DNAJB14: variants seen among roughly 807,000 people sequenced by gnomAD.
DNAJB14 encodes DnaJ heat shock protein family (Hsp40) member B14, also known as dnaJ homolog subfamily B member 14.
In DNAJB14, 22 loss-of-function variants were observed where a neutral mutation model predicts 48.4. The ratio of observed to expected loss-of-function variants is 0.45; its 90% confidence interval spans 0.32 to 0.65. The LOEUF (loss-of-function observed/expected upper bound fraction) is 0.65. Ranked by LOEUF, DNAJB14 falls within the 30% of genes least tolerant of loss-of-function variation. DNAJB14 has a pLI of 0.03. For synonymous variants in DNAJB14, 142 were observed against 158.7 expected, an observed-to-expected ratio of 0.89 and a Z score of 0.79; for missense variants, 319 against 458.8, an observed-to-expected ratio of 0.70 and a Z score of 2.78.
chr4:99,906,865 CAT>C (rs1433432687), intron 4 of DNAJB14, among the ~76,000 whole-genome samples: 1 of 152,150 alleles, frequency 6.6e-6, no homozygotes, highest in African/African-American at 2.4e-5. Flanking sequence ...TCTCTACACA[CAT>C]AGAGGTTTTT....
intron 1 of DNAJB14, among the ~76,000 whole-genome samples, chr4:99,938,457 G>A (rs538125096): frequency 6.6e-6 from 1 of 151,452 alleles, no homozygotes; most frequent in Non-Finnish European, 1.5e-5. Flanking sequence ...TTATCTAAGA[G>A]AGTGTCCTTG....
At position 99,922,921 on chromosome 4, in the gene DNAJB14, C is replaced by A. The variant is rs555114469; in HGVS notation, c.451+119G>T. On this transcript the variant is annotated intron_variant, in intron 3 of 7. Transcript: ENST00000442697. ...CTGAAGTTTTAAAGGATTTTCCAGACTCTTGCTTGTGCTGGTCTCTAAATG... is the reference window on the plus strand; with the variant it reads ...CTGAAGTTTTAAAGGATTTTCCAGAATCTTGCTTGTGCTGGTCTCTAAATG... The A allele has an allele frequency of 1.7e-5, 20 of 1,143,348 alleles. No individual in the cohort carries two copies. The African/African-American group carries it at 3.0e-4, about 17-fold the overall frequency. The allele number at this position is 1,143,348 out of a possible 1,614,324, so 70.8% of individuals were successfully genotyped here. A position where few individuals can be genotyped will look rare whatever the true frequency, so the allele number is the denominator to read the frequency against.
chr4:99,922,350 T>C (rs1054519153), intron 3 of DNAJB14, among the ~76,000 whole-genome samples: 2 of 152,078 alleles, frequency 1.3e-5, no homozygotes, highest in African/African-American at 2.4e-5. Flanking sequence ...AATGCCAAAT[T>C]CACAAGAATG....
chr4:99,920,280 GT>G (rs760970333), intron 3 of DNAJB14, among the ~76,000 whole-genome samples: 9 of 152,124 alleles, frequency 5.9e-5, no homozygotes, highest in Non-Finnish European at 8.8e-5. Flanking sequence ...TTCTCTCACT[GT>G]ATTTCTCTAC....
intron 1 of DNAJB14, among the ~76,000 whole-genome samples, chr4:99,936,908 A>T (rs1024643318): frequency 1.3e-5 from 2 of 152,258 alleles, no homozygotes; most frequent in Non-Finnish European, 2.9e-5. Flanking sequence ...AAATTTTTTC[A>T]GGAAAGAATA....
intron 3 of DNAJB14, among the ~76,000 whole-genome samples, chr4:99,911,382 A>C (rs1161827818): frequency 6.6e-6 from 1 of 152,180 alleles, no homozygotes; most frequent in Non-Finnish European, 1.5e-5. Flanking sequence ...GTGTAAACAT[A>C]AATCTTCATT....
At chr4:99,904,407 CT>C (rs1422223675) in intron 6 of DNAJB14, among the ~76,000 whole-genome samples, 2 of 152,084 alleles carry the variant, frequency 1.3e-5, no homozygotes, top group African/African-American at 4.8e-5. Flanking sequence ...GATACCTTTG[CT>C]TTCTGATAGT....
intron 3 of DNAJB14, among the ~76,000 whole-genome samples, chr4:99,922,111 C>T (rs1446640462): frequency 6.6e-6 from 1 of 152,178 alleles, no homozygotes; most frequent in Non-Finnish European, 1.5e-5. Context: ...CTTTCACCAG[C>T]ACCACTTTGG....
chr4:99,940,652 TC>T (rs760754411), intron 1 of DNAJB14, among the ~76,000 whole-genome samples: 2 of 149,858 alleles, frequency 1.3e-5, no homozygotes, highest in African/African-American at 4.9e-5. Context: ...CTTCCAACCC[TC>T]CCCCAAATCC....
At chr4:99,934,168 A>G (rs183904383) in intron 1 of DNAJB14, among the ~76,000 whole-genome samples, 4 of 152,292 alleles carry the variant, frequency 2.6e-5, no homozygotes, top group African/African-American at 9.6e-5. Context: ...AAAAAAATGA[A>G]AAGAGAAACT....
chr4:99,937,088 G>A (rs981300315), intron 1 of DNAJB14, among the ~76,000 whole-genome samples: 5 of 152,110 alleles, frequency 3.3e-5, no homozygotes, highest in Admixed American at 6.6e-5. Context: ...AGGCCGAGGC[G>A]GGCGGATCAG....
At chr4:99,945,919 C>G (rs1727050940) in intron 1 of DNAJB14, among the ~76,000 whole-genome samples, 1 of 152,228 alleles carries the variant, frequency 6.6e-6, no homozygotes, top group African/African-American at 2.4e-5. Context: ...TAAAGGAACT[C>G]TCTCCCAGGG....
chr4:99,906,268 A>G (rs956077073), intron 5 of DNAJB14: 6 of 1,159,080 alleles, frequency 5.2e-6, no homozygotes, highest in Non-Finnish European at 5.9e-6. Context: ...CACAACATGC[A>G]TAGTGCAGGT....
chr4:99,903,596 C>G (rs1257981922), intron 7 of DNAJB14, 130 bp downstream of exon 7: 1 of 930,146 alleles, frequency 1.1e-6, no homozygotes, highest in Non-Finnish European at 1.6e-6. Flanking sequence ...AACACATGAT[C>G]TCATTTAAGT....
intron 5 of DNAJB14, chr4:99,905,980 T>C: frequency 2.3e-6 from 3 of 1,277,772 alleles, no homozygotes; most frequent in East Asian, 4.1e-5. Flanking sequence ...CCCGACTCCC[T>C]CCCCCCCACA....
At chr4:99,902,131 C>T (rs765198390) in intron 7 of DNAJB14, among the ~76,000 whole-genome samples, 108 of 152,128 alleles carry the variant, frequency 7.1e-4, no homozygotes, top group Admixed American at 3.5e-3. Flanking sequence ...TTAGATAAAC[C>T]GAAGTTCACA....
chr4:99,902,397 G>C (rs191822194), intron 7 of DNAJB14, among the ~76,000 whole-genome samples: 16 of 152,112 alleles, frequency 1.1e-4, no homozygotes, highest in African/African-American at 3.9e-4. Context: ...TGGGTGGGGT[G>C]GGGGAAGGGT....
intron 2 of DNAJB14, chr4:99,927,579 A>G (rs1354360881): frequency 2.0e-5 from 3 of 152,214 alleles, no homozygotes; most frequent in East Asian, 3.8e-4. Context: ...AAAATTTCAA[A>G]TAAGATCCAT....
At chr4:99,928,193 C>G (rs1726324475) in intron 2 of DNAJB14, 1 of 152,742 alleles carries the variant, frequency 6.5e-6, no homozygotes, top group South Asian at 2.1e-4. Context: ...ACTAAATCAG[C>G]AATACTTCAT....
Sources: allele counts gnomAD v4.1 joint callset (sites outside exome capture counted in the v4.1 genomes callset), GRCh38; gene constraint gnomAD v4.1.1; transcripts MANE v1.5; gene names NCBI Gene and HGNC (gene_info 2026-07-23, HGNC 2026-07-21).